The following GPC6 variants were observed in gnomAD, a reference collection of about 807,000 sequenced individuals.
GPC6 encodes the protein glypican 6.
Under a neutral mutation model 55.2 loss-of-function variants are expected in GPC6, and 14 were observed. The observed-to-expected ratio is 0.25, with a 90% CI of 0.17 to 0.40. The LOEUF is 0.40. GPC6 is among the 10% of genes least tolerant of loss of function. The pLI is 1.00. For synonymous variants in GPC6, 278 were observed against 259.6 expected (o/e 1.07, Z -0.68); for missense variants, 641 against 708.5 (o/e 0.90, Z 1.08).
In GPC6 at chr13:94,336,891, G is replaced by A. The variant is rs138391805; in HGVS notation, c.1152+30768G>A. Among the ~76,000 whole-genome samples the A allele has an allele frequency of 2.6e-5, 4 of 152,308 alleles. No homozygotes were observed. In the East Asian group the frequency reaches 7.7e-4, roughly 29 times the overall value. ...TTAAAAAAATAAATAAATCCAGAGTGTGAATATATTGGGGATCAAAAATGC... is the reference window on the plus strand; with the variant it reads ...TTAAAAAAATAAATAAATCCAGAGTATGAATATATTGGGGATCAAAAATGC... On this transcript the variant is annotated intron_variant, in intron 6 of 8. Transcript: ENST00000377047.
At chr13:94,116,100 T>C (rs1347876387) in intron 4 of GPC6, among the ~76,000 whole-genome samples, 1 of 152,146 alleles carries the variant, frequency 6.6e-6, no homozygotes, top group South Asian at 2.1e-4. Context: ...GTAATTTAGT[T>C]ATAATTTAGT....
At chr13:94,261,986 A>C (rs938344662) in intron 4 of GPC6, among the ~76,000 whole-genome samples, 1 of 152,234 alleles carries the variant, frequency 6.6e-6, no homozygotes, top group Non-Finnish European at 1.5e-5. Flanking sequence ...TCAAATGCCT[A>C]AGGTAAACAG....
chr13:93,462,793 A>G (rs996460), intron 1 of GPC6, among the ~76,000 whole-genome samples: 27,623 of 151,840 alleles, frequency 0.18, 3,038 homozygotes, highest in East Asian at 0.48. Context: ...TACTGTGTAT[A>G]TAAGATGAAA....
intron 1 of GPC6, among the ~76,000 whole-genome samples, chr13:93,439,134 T>C (rs184196836): frequency 6.6e-6 from 1 of 152,276 alleles, no homozygotes; most frequent in East Asian, 1.9e-4. Context: ...TATAAACATA[T>C]CTTATATGCA....
the GPC6 span, among the ~76,000 whole-genome samples, chr13:93,218,172 C>A: frequency 6.7e-6 from 1 of 149,732 alleles, no homozygotes; most frequent in South Asian, 2.1e-4. Flanking sequence ...TGCTTTCTCA[C>A]AAACATTTAA....
chr13:93,705,655 T>G (rs1882824169), intron 2 of GPC6, among the ~76,000 whole-genome samples: 1 of 151,692 alleles, frequency 6.6e-6, no homozygotes, highest in Non-Finnish European at 1.5e-5. Flanking sequence ...TAATGGATAT[T>G]GGGGATCAAA....
chr13:93,490,031 T>A (rs1169656568), intron 1 of GPC6, among the ~76,000 whole-genome samples: 1 of 150,752 alleles, frequency 6.6e-6, no homozygotes, highest in Non-Finnish European at 1.5e-5. Flanking sequence ...AGAGAGGGCA[T>A]CCCTGTCTTG....
chr13:93,869,989 C>A (rs1052691697), intron 3 of GPC6, among the ~76,000 whole-genome samples: 1 of 151,876 alleles, frequency 6.6e-6, no homozygotes, highest in Non-Finnish European at 1.5e-5. Context: ...CTCAGCCTCA[C>A]CTGAGCCTTA....
At chr13:93,364,689 A>G (rs1404991040) in intron 1 of GPC6, among the ~76,000 whole-genome samples, 1 of 141,600 alleles carries the variant, frequency 7.1e-6, no homozygotes, top group Non-Finnish European at 1.5e-5. Flanking sequence ...GTGTGTGTAT[A>G]TATATATACA....
At chr13:94,353,086 C>T (rs1026606224) in intron 6 of GPC6, among the ~76,000 whole-genome samples, 17 of 152,098 alleles carry the variant, frequency 1.1e-4, no homozygotes, top group African/African-American at 4.1e-4. Flanking sequence ...GATTCCCTTC[C>T]TTCCTCAGTG....
At chr13:94,281,842 C>CT (rs1196866939) in intron 4 of GPC6, among the ~76,000 whole-genome samples, 2 of 152,190 alleles carry the variant, frequency 1.3e-5, no homozygotes, top group African/African-American at 2.4e-5. Flanking sequence ...GCTGGTGTGC[C>CT]TTTGGTGTAC....
At chr13:93,653,563 G>A (rs1242609861) in intron 2 of GPC6, among the ~76,000 whole-genome samples, 1 of 138,772 alleles carries the variant, frequency 7.2e-6, no homozygotes, top group East Asian at 2.1e-4. Context: ...ATAATCCTAT[G>A]AAGTATATGG....
chr13:93,478,250 G>A (rs1481723954), intron 1 of GPC6, among the ~76,000 whole-genome samples: 1 of 152,086 alleles, frequency 6.6e-6, no homozygotes, highest in Non-Finnish European at 1.5e-5. Flanking sequence ...ATAAGACATG[G>A]CCCAGGTCTC....
Position 94,013,741 on chromosome 13 carries a change from G to A in GPC6, c.712-13988G>A, listed in dbSNP as rs139542072. ...GCTGACAAGTGCTAACATAGGACTGGCAGGAACAGACACAGACCTTAAATA... is the reference window on the plus strand; with the variant it reads ...GCTGACAAGTGCTAACATAGGACTGACAGGAACAGACACAGACCTTAAATA... On this transcript the variant is annotated intron_variant, in intron 3 of 8. Transcript: ENST00000377047. Among the ~76,000 whole-genome samples the A allele has an allele frequency of 4.4e-3, 675 of 152,308 alleles. 3 individuals carry two copies. The highest frequency in any genetic ancestry group is 0.011 in the South Asian group (55 of 4,828).
chr13:93,262,842 G>C (rs1198373372), intron 1 of GPC6, among the ~76,000 whole-genome samples: 1 of 152,142 alleles, frequency 6.6e-6, no homozygotes, highest in Non-Finnish European at 1.5e-5. Flanking sequence ...CCAGGCTCTT[G>C]ATGCCATTGC....
At chr13:93,802,754 C>G (rs552143821) in intron 2 of GPC6, among the ~76,000 whole-genome samples, 143 of 152,046 alleles carry the variant, frequency 9.4e-4, no homozygotes, top group Non-Finnish European at 1.9e-3. Flanking sequence ...TGGTATGTCT[C>G]TTGGACAGAG....
At chr13:93,679,388 A>T (rs1881766210) in intron 2 of GPC6, among the ~76,000 whole-genome samples, 2 of 152,214 alleles carry the variant, frequency 1.3e-5, no homozygotes, top group Admixed American at 6.5e-5. Context: ...GAATGTAACT[A>T]AGTAGATATG....
chr13:93,510,102 C>A (rs1880891810), intron 1 of GPC6, among the ~76,000 whole-genome samples: 1 of 151,984 alleles, frequency 6.6e-6, no homozygotes, highest in Non-Finnish European at 1.5e-5. Flanking sequence ...ATATTTTATG[C>A]CCTCAAACCA....
At chr13:93,692,609 A>AT (rs1252313277) in intron 2 of GPC6, among the ~76,000 whole-genome samples, 1 of 151,878 alleles carries the variant, frequency 6.6e-6, no homozygotes, top group African/African-American at 2.4e-5. Flanking sequence ...AAATATAGAA[A>AT]TTTTCCTTCT....
Sources: allele counts gnomAD v4.1 joint callset (sites outside exome capture counted in the v4.1 genomes callset), GRCh38; gene constraint gnomAD v4.1.1; transcripts MANE v1.5; gene names NCBI Gene and HGNC (gene_info 2026-07-23, HGNC 2026-07-21).